DHX32: variants seen among roughly 807,000 people sequenced by gnomAD.
DHX32 encodes the protein putative pre-mRNA-splicing factor ATP-dependent RNA helicase DHX32.
Under a neutral mutation model 70.0 loss-of-function variants are expected in DHX32, and 51 were observed. The ratio of observed to expected loss-of-function variants is 0.73; its 90% CI spans 0.58 to 0.92. DHX32 has a LOEUF of 0.92. Among genes scored for constraint, DHX32 ranks in the 40% least tolerant of loss-of-function variants. DHX32 has a pLI of 0.00. For synonymous variants in DHX32, 310 were observed against 315.3 expected (o/e 0.98, Z 0.18); for missense variants, 762 against 891.8 (o/e 0.85, Z 1.85).
intron 3 of DHX32, among the ~76,000 whole-genome samples, chr10:125,859,063 T>A (rs78445357): frequency 2.2e-4 from 32 of 144,792 alleles, no homozygotes; most frequent in Admixed American, 1.1e-3. Context: ...TTTTTTTTTT[T>A]AATCTTTTAA....
At chr10:125,869,883 A>G (rs1944246156) in intron 1 of DHX32, among the ~76,000 whole-genome samples, 1 of 152,200 alleles carries the variant, frequency 6.6e-6, no homozygotes, top group Non-Finnish European at 1.5e-5. Context: ...ATAATTGAAA[A>G]GAAGAGAGAG....
chr10:125,851,270 G>T (rs1173717197), intron 6 of DHX32, among the ~76,000 whole-genome samples: 3 of 152,142 alleles, frequency 2.0e-5, no homozygotes, highest in East Asian at 1.9e-4. Flanking sequence ...TTTTCCCCAA[G>T]CACAGCAGAA....
chr10:125,889,502 T>G (rs1944357729), intron 1 of DHX32, among the ~76,000 whole-genome samples: 1 of 152,212 alleles, frequency 6.6e-6, no homozygotes, highest in South Asian at 2.1e-4. Flanking sequence ...TGTGGCAAGG[T>G]AAAGAGCTTG....
chr10:125,864,739 G>A (rs757309622), intron 2 of DHX32, among the ~76,000 whole-genome samples: 9 of 151,762 alleles, frequency 5.9e-5, no homozygotes, highest in Non-Finnish European at 1.0e-4. Context: ...GACCAGCCCA[G>A]GCAACATGGC....
intron 6 of DHX32, among the ~76,000 whole-genome samples, chr10:125,847,234 G>A (rs910729371): frequency 2.6e-5 from 4 of 152,114 alleles, no homozygotes; most frequent in Admixed American, 1.3e-4. Flanking sequence ...TACCATGGAA[G>A]GGAGGGAGGG....
At chr10:125,879,605 CTGCGTAATTCA>C (rs1218621652) in intron 1 of DHX32, among the ~76,000 whole-genome samples, 4 of 152,304 alleles carry the variant, frequency 2.6e-5, no homozygotes, top group Admixed American at 6.5e-5. Flanking sequence ...GTTCTGAGTG[CTGCGTAATTCA>C]TGAGTCATTC....
chr10:125,850,492 G>C (rs1215556382), intron 6 of DHX32, among the ~76,000 whole-genome samples: 2 of 151,808 alleles, frequency 1.3e-5, no homozygotes, highest in Non-Finnish European at 2.9e-5. Flanking sequence ...CAAGTAGCTG[G>C]GATTACAGGC....
intron 2 of DHX32, among the ~76,000 whole-genome samples, chr10:125,865,849 G>A (rs112670497): frequency 0.017 from 2,652 of 152,208 alleles, 78 homozygotes; most frequent in African/African-American, 0.06. Context: ...TCTGAATGGA[G>A]ATAAGAACCG....
chr10:125,855,059 T>A (rs1944134234), intron 3 of DHX32, among the ~76,000 whole-genome samples: 1 of 151,718 alleles, frequency 6.6e-6, no homozygotes, highest in Admixed American at 6.6e-5. Flanking sequence ...CCCTGTCTAC[T>A]AAAAATACAA....
chr10:125,845,507 GT>G (rs1944006360), intron 6 of DHX32, among the ~76,000 whole-genome samples: 1 of 152,196 alleles, frequency 6.6e-6, no homozygotes, highest in African/African-American at 2.4e-5. Flanking sequence ...CTTGTCTAAA[GT>G]GGACATGTAT....
At chr10:125,885,970 C>T (rs1430597849), upstream of DHX32, among the ~76,000 whole-genome samples, 1 of 152,198 alleles carries the variant, frequency 6.6e-6, no homozygotes, top group East Asian at 1.9e-4. Context: ...CAATACTTCC[C>T]ATCTCATCTC....
Position 125,839,041 on chromosome 10 carries a change from A to T in DHX32, c.1841T>A (p.Leu614Gln). Residue 614 changes from leucine to glutamine, a missense_variant, in exon 9 of 11, where the codon CTA becomes CAA. Coordinates refer to ENST00000284690, the MANE Select transcript of DHX32 (RefSeq NM_018180.3). ...EPAFGSKENTLNIKKALLSGY... is the reference protein window; with the variant it reads ...EPAFGSKENTQNIKKALLSGY... Reference sequence around the variant, plus strand: ...GGACAGAAGAGCTTTCTTTATGTTTAGAGTGTTTTCCTTGGAGCCAAAAGC... The same window carrying T: ...GGACAGAAGAGCTTTCTTTATGTTTTGAGTGTTTTCCTTGGAGCCAAAAGC... 1 of 1,614,192 alleles carries T rather than the reference A, an allele frequency of 6.2e-7. No individual in the cohort carries two copies. The highest frequency in any genetic ancestry group is 8.5e-7 in the Non-Finnish European group (1 of 1,180,024).
chr10:125,864,726 T>A (rs977651516), intron 2 of DHX32, among the ~76,000 whole-genome samples: 1 of 151,816 alleles, frequency 6.6e-6, no homozygotes, highest in Admixed American at 6.6e-5. Flanking sequence ...CTAAGGAGTT[T>A]GAGACCAGCC....
chr10:125,867,511 C>A lies in DHX32; in HGVS notation c.283-328G>T, dbSNP rs894732903. On this transcript the variant is annotated intron_variant, in intron 1 of 10. Coordinates refer to ENST00000284690, the MANE Select transcript of DHX32 (RefSeq NM_018180.3). ...CAGCACTTTGGGAGGCCGAGGTGGGCGGATCACGAAGTCAGGAGATCGAGA... is the reference window on the plus strand; with the variant it reads ...CAGCACTTTGGGAGGCCGAGGTGGGAGGATCACGAAGTCAGGAGATCGAGA... 3.3e-5 allele frequency among the ~76,000 whole-genome samples: 5 copies of A among 151,944 alleles called. No homozygotes were observed. In the East Asian group the frequency reaches 5.8e-4, roughly 18 times the overall value.
chr10:125,856,482 A>C (rs992295071), intron 3 of DHX32, among the ~76,000 whole-genome samples: 4 of 152,340 alleles, frequency 2.6e-5, no homozygotes, highest in African/African-American at 9.6e-5. Flanking sequence ...TCTAAGTCTC[A>C]ATTAAGTGCC....
intron 3 of DHX32, chr10:125,854,618 A>G (rs1341416219): frequency 1.3e-5 from 2 of 157,272 alleles, no homozygotes; most frequent in African/African-American, 4.8e-5. Flanking sequence ...ATAGCAAGGT[A>G]TCACAGGTCA....
chr10:125,852,616 G>A lies in DHX32; in HGVS notation c.1119C>T (p.Asn373=). Residue 373 remains asparagine (N), a synonymous_variant, in exon 5 of 11, where the codon AAC becomes AAT. Transcript: ENST00000284690. ...GGCTGATGGGCTGCATGACGAGCGA[G>A]TTTGCTCTTATTCTCGGGTTGTACA... ...RKVYNPRIRA[N]SLVMQPISQS... 2 of 1,612,356 alleles carry A rather than the reference G, an allele frequency of 1.2e-6. No homozygotes were observed. Among genetic ancestry groups the A allele is most frequent in the African/African-American group, 2.7e-5 (2 of 74,868 alleles).
chr10:125,836,756 T>A lies in DHX32; in HGVS notation c.2163A>T (p.Ser721=). ...QQVVDHLSPV[S]TMNKEQQMCE... is the part of the protein sequence containing the mutation. ...ACATTTGCTGTTCCTTATTCATTGT[T>A]GACACAGGGGATAGGTGATCCACTA... is the stretch of plus-strand genomic sequence containing the variant. Residue 721 remains serine, a synonymous_variant, in exon 11 of 11, where the codon TCA becomes TCT. Transcript: ENST00000284690. 6.2e-7 allele frequency: 1 copy of A among 1,614,218 alleles called. No individual in the cohort carries two copies. The highest frequency in any genetic ancestry group is 8.5e-7 in the Non-Finnish European group (1 of 1,180,046).
intron 6 of DHX32, among the ~76,000 whole-genome samples, chr10:125,851,607 A>G (rs1366061508): frequency 6.6e-6 from 1 of 152,150 alleles, no homozygotes; most frequent in Non-Finnish European, 1.5e-5. Context: ...GGGGCTCAGG[A>G]CACACCACCC....
Sources: gnomAD v4.1 joint callset for allele counts (sites outside exome capture counted in the v4.1 genomes callset) on GRCh38, gnomAD v4.1.1 for gene constraint, MANE v1.5 for transcripts, NCBI Gene and HGNC (gene_info 2026-07-23, HGNC 2026-07-21) for gene names.